EYS: variants seen among roughly 807,000 people sequenced by gnomAD.
The protein encoded by EYS is EGF-like photoreceptor maintenance factor.
A neutral mutation model predicts 282.1 loss-of-function variants in EYS; 250 were observed. The ratio of observed to expected loss-of-function variants is 0.89; its 90% CI spans 0.80 to 0.98. The LOEUF is 0.98. Among genes scored for constraint, EYS ranks in the 50% least tolerant of loss-of-function variants. The pLI, the probability that EYS is intolerant of heterozygous loss-of-function variation, is 0.00. For synonymous variants in EYS, 1,355 were observed against 1,282.9 expected, an observed-to-expected ratio of 1.06 and a Z score of -1.20; for missense variants, 4,016 against 3,709.0, an observed-to-expected ratio of 1.08 and a Z score of -2.15.
At chr6:64,306,536 A>G (rs1008998977) in intron 30 of EYS, among the ~76,000 whole-genome samples, 10 of 152,222 alleles carry the variant, frequency 6.6e-5, no homozygotes, top group Non-Finnish European at 1.3e-4. Flanking sequence ...TGTATCCAGA[A>G]GCAGAGTCTG....
chr6:65,111,728 T>C lies in EYS; in HGVS notation c.2024-54001A>G, dbSNP rs566861572. Among the ~76,000 whole-genome samples the C allele has an allele frequency of 1.4e-4, 21 of 152,236 alleles. No individual in the cohort carries two copies. The South Asian group carries it at 4.4e-3, about 32-fold the overall frequency. On this transcript the variant is annotated intron_variant, in intron 12 of 42. Transcript: ENST00000503581. Reference sequence around the variant, plus strand: ...CAGGAGTGGTGGCACATGCTTGTAATCCCAGCTACTCAGGAGGCTGAAGCA... The same window carrying C: ...CAGGAGTGGTGGCACATGCTTGTAACCCCAGCTACTCAGGAGGCTGAAGCA...
chr6:64,929,708 A>G (rs900330987), intron 15 of EYS, among the ~76,000 whole-genome samples: 1 of 152,232 alleles, frequency 6.6e-6, no homozygotes, highest in South Asian at 2.1e-4. Context: ...AGAAAATAAT[A>G]ATTATTTAGT....
chr6:64,628,757 G>GA (rs573478521), intron 22 of EYS, among the ~76,000 whole-genome samples: 118 of 151,940 alleles, frequency 7.8e-4, no homozygotes, highest in Non-Finnish European at 1.2e-3. Context: ...CATTGCAAAG[G>GA]AAAAAAACTA....
chr6:64,404,563 G>A (rs1023109891), intron 28 of EYS, among the ~76,000 whole-genome samples: 7 of 152,118 alleles, frequency 4.6e-5, no homozygotes, highest in African/African-American at 9.7e-5. Flanking sequence ...ATACTACCAC[G>A]TGTCAGGCAA....
chr6:64,870,053 T>G (rs530275874), intron 19 of EYS, among the ~76,000 whole-genome samples: 1 of 151,736 alleles, frequency 6.6e-6, no homozygotes, highest in East Asian at 1.9e-4. Flanking sequence ...AGGCACTAAA[T>G]ACGAGGGTGA....
chr6:65,520,431 T>G (rs778536757), intron 2 of EYS, among the ~76,000 whole-genome samples: 3 of 152,118 alleles, frequency 2.0e-5, no homozygotes, highest in Non-Finnish European at 2.9e-5. Flanking sequence ...ATGAGCCCTC[T>G]TGGGAAGTAG....
intron 2 of EYS, among the ~76,000 whole-genome samples, chr6:65,541,644 A>C (rs548214000): frequency 2.0e-4 from 30 of 149,756 alleles, no homozygotes; most frequent in East Asian, 9.8e-4. Flanking sequence ...CACTAGATGC[A>C]TAACATTTTT....
chr6:64,125,546 G>C (rs1773750160), intron 31 of EYS, among the ~76,000 whole-genome samples: 2 of 152,018 alleles, frequency 1.3e-5, no homozygotes, highest in African/African-American at 4.8e-5. Flanking sequence ...AGCACTTTAG[G>C]AGGCTGAGGC....
At chr6:63,970,431 C>T (rs1279189513) in intron 35 of EYS, among the ~76,000 whole-genome samples, 1 of 152,026 alleles carries the variant, frequency 6.6e-6, no homozygotes, top group Non-Finnish European at 1.5e-5. Flanking sequence ...GTCAGGTGAT[C>T]GAGACCATTC....
At chr6:63,981,303 A>T (rs958718682) in intron 35 of EYS, among the ~76,000 whole-genome samples, 3 of 151,774 alleles carry the variant, frequency 2.0e-5, no homozygotes, top group Non-Finnish European at 4.4e-5. Flanking sequence ...CCGTGGTCCT[A>T]TAGCTCTCTG....
intron 22 of EYS, among the ~76,000 whole-genome samples, chr6:64,765,258 C>G (rs1435430419): frequency 6.6e-6 from 1 of 152,134 alleles, no homozygotes; most frequent in Non-Finnish European, 1.5e-5. Flanking sequence ...CAAGAATGAC[C>G]TTTGCTCCAG....
At chr6:63,764,167 AG>A (rs1415076662) in intron 40 of EYS, among the ~76,000 whole-genome samples, 4 of 151,948 alleles carry the variant, frequency 2.6e-5, no homozygotes, top group African/African-American at 9.7e-5. Context: ...TATGAGGTAT[AG>A]GGATCAGAAT....
Position 64,639,752 on chromosome 6 carries a change from G to A in EYS, c.3444-13507C>T, listed in dbSNP as rs192962386. Among the ~76,000 whole-genome samples, 13 of 90,948 alleles carry A rather than the reference G, an allele frequency of 1.4e-4. 1 individual carries two copies. The highest frequency in any genetic ancestry group is 2.1e-4 in the Non-Finnish European group (9 of 42,144). 59.7% of individuals were successfully genotyped at this position (90,948 alleles called of 152,430 possible). ...AACTAAAGAGCTTCTGCACAGGAAA[G>A]GAAACTACCATCAGAGTGAACAGGC... On this transcript the variant is annotated intron_variant, in intron 22 of 42. Transcript: ENST00000503581.
chr6:64,440,723 A>G (rs1424269948), intron 26 of EYS, among the ~76,000 whole-genome samples: 2 of 152,136 alleles, frequency 1.3e-5, no homozygotes, highest in Non-Finnish European at 2.9e-5. Context: ...GAATAAAGTC[A>G]TGTATCAGTT....
intron 22 of EYS, among the ~76,000 whole-genome samples, chr6:64,789,043 T>C (rs566264697): frequency 2.0e-5 from 3 of 152,150 alleles, no homozygotes; most frequent in Non-Finnish European, 4.4e-5. Flanking sequence ...AACACTGGAA[T>C]ATATCTCCAG....
At chr6:65,620,432 G>T (rs900104345) in intron 2 of EYS, among the ~76,000 whole-genome samples, 3 of 151,890 alleles carry the variant, frequency 2.0e-5, no homozygotes, top group Non-Finnish European at 4.4e-5. Context: ...GTGTCTATTT[G>T]ATTCTTCTCT....
intron 13 of EYS, among the ~76,000 whole-genome samples, chr6:65,001,996 A>G (rs1771480439): frequency 6.8e-6 from 1 of 146,884 alleles, no homozygotes; most frequent in Non-Finnish European, 1.5e-5. Context: ...TATAAATTGC[A>G]TTTTCATATC....
chr6:65,250,810 A>G (rs899394909), intron 12 of EYS, among the ~76,000 whole-genome samples: 3 of 151,508 alleles, frequency 2.0e-5, no homozygotes, highest in African/African-American at 7.3e-5. Flanking sequence ...GAACCAAAAC[A>G]GTAACATCCA....
chr6:64,481,600 C>T (rs1582806578), intron 26 of EYS, among the ~76,000 whole-genome samples: 1 of 151,244 alleles, frequency 6.6e-6, no homozygotes, highest in Non-Finnish European at 1.5e-5. Flanking sequence ...AAATTCAGCT[C>T]GAATTCATGT....
Sources: allele counts gnomAD v4.1 joint callset (sites outside exome capture counted in the v4.1 genomes callset), GRCh38; gene constraint gnomAD v4.1.1; transcripts MANE v1.5; gene names NCBI Gene and HGNC (gene_info 2026-07-23, HGNC 2026-07-21).